Variants in TINAG observed in about 807,000 individuals in gnomAD.
The protein encoded by TINAG is tubulointerstitial nephritis antigen.
A neutral mutation model predicts 72.7 loss-of-function variants in TINAG; 83 were observed. The observed-to-expected ratio is 1.14, with a 90% CI of 0.96 to 1.37. The LOEUF (loss-of-function observed/expected upper bound fraction) is 1.37. Ranked by LOEUF, TINAG falls within the 40% of genes most tolerant of loss-of-function variation. The pLI is 0.00. For missense variants in TINAG, 685 were observed against 576.6 expected (o/e 1.19, Z -1.93); for synonymous variants, 234 against 189.9 (o/e 1.23, Z -1.91).
chr6:54,343,785 C>T (rs911925896), intron 5 of TINAG, among the ~76,000 whole-genome samples: 5 of 151,952 alleles, frequency 3.3e-5, no homozygotes, highest in African/African-American at 1.2e-4. Flanking sequence ...TGAAGTAAGA[C>T]TTTAAACCTA....
At chr6:54,354,077 G>C (rs1408867632) in intron 8 of TINAG, among the ~76,000 whole-genome samples, 2 of 151,802 alleles carry the variant, frequency 1.3e-5, no homozygotes, top group African/African-American at 4.8e-5. Flanking sequence ...AGAAAGGTTT[G>C]TATTTACTTA....
chr6:54,354,075 T>G (rs1785331685), intron 8 of TINAG, among the ~76,000 whole-genome samples: 1 of 151,876 alleles, frequency 6.6e-6, no homozygotes, highest in Non-Finnish European at 1.5e-5. Flanking sequence ...AAAGAAAGGT[T>G]TGTATTTACT....
intron 9 of TINAG, among the ~76,000 whole-genome samples, chr6:54,376,596 T>A (rs145125089): frequency 2.2e-4 from 33 of 152,308 alleles, no homozygotes; most frequent in African/African-American, 7.5e-4. Flanking sequence ...ATAATTTTAC[T>A]ATCTAGGCAT....
intron 4 of TINAG, chr6:54,327,204 A>C (rs1245054708): frequency 6.7e-5 from 103 of 1,527,266 alleles, no homozygotes; most frequent in Non-Finnish European, 9.0e-5. Flanking sequence ...GCTCCCAGCG[A>C]GACCAACGTA....
upstream of TINAG, chr6:54,308,000 C>T (rs1784151184): frequency 5.8e-6 from 9 of 1,539,208 alleles, no homozygotes; most frequent in South Asian, 8.4e-5. Context: ...GAAATCAAAC[C>T]AGTGTGTGAC....
At chr6:54,335,042 A>C (rs750824766) in intron 4 of TINAG, among the ~76,000 whole-genome samples, 4 of 152,156 alleles carry the variant, frequency 2.6e-5, no homozygotes, top group Non-Finnish European at 4.4e-5. Context: ...GACCTTTATA[A>C]GGTTTGCTCT....
intron 9 of TINAG, among the ~76,000 whole-genome samples, chr6:54,376,496 T>G (rs1763786277): frequency 6.6e-6 from 1 of 152,122 alleles, no homozygotes; most frequent in Non-Finnish European, 1.5e-5. Context: ...ATGACTTCAC[T>G]GGGTGTATGG....
intron 4 of TINAG, 68 bp from the exon 5 acceptor site, chr6:54,343,158 G>C (rs963480656): frequency 2.3e-6 from 3 of 1,321,514 alleles, no homozygotes; most frequent in Non-Finnish European, 3.0e-6. Flanking sequence ...TTTATAAAAG[G>C]GCGTGACATT....
chr6:54,377,405 G>A (rs1439699168), intron 9 of TINAG, among the ~76,000 whole-genome samples: 1 of 152,122 alleles, frequency 6.6e-6, no homozygotes, highest in Middle Eastern at 3.4e-3. Context: ...CCAGCTACTC[G>A]GGAAGCTGAG....
intron 3 of TINAG, 128 bp from the exon 4 acceptor site, chr6:54,326,674 T>C: frequency 1.6e-6 from 1 of 624,698 alleles, no homozygotes; most frequent in Non-Finnish European, 2.6e-6. Context: ...ATCTAGCCTG[T>C]GACAATTCTC....
rs544763029 is a variant in TINAG at position 54,331,501 on chromosome 6, A to G, written c.624+4585A>G. On this transcript the variant is annotated intron_variant, in intron 4 of 10. Transcript: ENST00000259782. ...CTATGACAAACCCACAGCCAATATC[A>G]TACTGAATGGGCAAAAGCTGGAAGC... Among the ~76,000 whole-genome samples, 54 of 152,344 alleles carry G rather than the reference A, an allele frequency of 3.5e-4. No homozygotes were observed. In the South Asian group the frequency reaches 0.011, roughly 31 times the overall value.
chr6:54,347,180 A>G (rs1187570693), intron 5 of TINAG, among the ~76,000 whole-genome samples, 187 bp from the exon 6 acceptor site: 2 of 152,146 alleles, frequency 1.3e-5, no homozygotes, highest in African/African-American at 4.8e-5. Context: ...TAGGACAAAA[A>G]TTATAACTGA....
At chr6:54,311,617 C>A (rs889575167) in intron 1 of TINAG, among the ~76,000 whole-genome samples, 1 of 152,152 alleles carries the variant, frequency 6.6e-6, no homozygotes, top group Non-Finnish European at 1.5e-5. Flanking sequence ...TCTCTAATTT[C>A]TAGTGGGTTT....
intron 8 of TINAG, 131 bp downstream of exon 8, chr6:54,351,528 A>C: frequency 4.1e-6 from 3 of 724,280 alleles, no homozygotes; most frequent in Admixed American, 3.2e-5. Flanking sequence ...AGGCTTCAAC[A>C]GTTCTAAAAT....
chr6:54,386,591 T>C (rs1022596316), intron 10 of TINAG, among the ~76,000 whole-genome samples: 4 of 152,126 alleles, frequency 2.6e-5, no homozygotes, highest in African/African-American at 9.7e-5. Flanking sequence ...CAGAGTACCT[T>C]ACATCTTCAA....
At chr6:54,316,655 T>C (rs1784379379) in intron 1 of TINAG, among the ~76,000 whole-genome samples, 1 of 152,146 alleles carries the variant, frequency 6.6e-6, no homozygotes, top group African/African-American at 2.4e-5. Context: ...ATAGACAACA[T>C]GTCATTATCT....
chr6:54,320,904 G>A (rs1465627176), intron 2 of TINAG, among the ~76,000 whole-genome samples: 1 of 152,140 alleles, frequency 6.6e-6, no homozygotes, highest in African/African-American at 2.4e-5. Flanking sequence ...TTCATTAAAT[G>A]TACCTCTTAA....
At chr6:54,371,772 C>G (rs538447118) in intron 9 of TINAG, among the ~76,000 whole-genome samples, 22 of 151,986 alleles carry the variant, frequency 1.4e-4, no homozygotes, top group Non-Finnish European at 2.9e-4. Context: ...TTACACTTAA[C>G]CTCTATTGGA....
chr6:54,371,683 C>T (rs184064631), intron 9 of TINAG, among the ~76,000 whole-genome samples: 18 of 151,880 alleles, frequency 1.2e-4, no homozygotes, highest in Middle Eastern at 3.4e-3. Flanking sequence ...TTGGTAAATG[C>T]GATAAAATTT....
Sources: gnomAD v4.1 joint callset for allele counts (sites outside exome capture counted in the v4.1 genomes callset) on GRCh38, gnomAD v4.1.1 for gene constraint, MANE v1.5 for transcripts, NCBI Gene and HGNC (gene_info 2026-07-23, HGNC 2026-07-21) for gene names.